The following ROBO2 variants were observed in gnomAD, a reference collection of about 807,000 sequenced individuals.
ROBO2 encodes roundabout guidance receptor 2.
In ROBO2, 53 loss-of-function variants were observed where a neutral mutation model predicts 160.8. That is an observed-to-expected ratio of 0.33 (90% CI 0.26 to 0.41). The LOEUF (loss-of-function observed/expected upper bound fraction) is 0.41, where lower values mean the gene tolerates loss of function less well. Among genes scored for constraint, ROBO2 ranks in the 10% least tolerant of loss-of-function variants. ROBO2 has a pLI of 1.00. For synonymous variants in ROBO2, 664 were observed against 611.7 expected, an observed-to-expected ratio of 1.09 and a Z score of -1.26; for missense variants, 1,577 against 1,722.4, an observed-to-expected ratio of 0.92 and a Z score of 1.49.
intron 2 of ROBO2, among the ~76,000 whole-genome samples, chr3:76,368,891 G>A (rs957619251): frequency 9.9e-5 from 15 of 151,902 alleles, no homozygotes; most frequent in African/African-American, 2.4e-4. Context: ...TCTCTTTGAC[G>A]TTAAGACCTT....
At chr3:76,361,194 A>C (rs1401981537) in intron 2 of ROBO2, among the ~76,000 whole-genome samples, 2 of 152,072 alleles carry the variant, frequency 1.3e-5, no homozygotes, top group Admixed American at 6.6e-5. Flanking sequence ...AGTGCACTTG[A>C]GTGTTTTATC....
chr3:76,506,972 C>G (rs899510176), intron 2 of ROBO2, among the ~76,000 whole-genome samples: 2 of 152,094 alleles, frequency 1.3e-5, no homozygotes, highest in Admixed American at 6.6e-5. Flanking sequence ...AGTTTATGAA[C>G]TTTCTATAAA....
intron 2 of ROBO2, among the ~76,000 whole-genome samples, chr3:76,492,749 C>T (rs75777379): frequency 0.017 from 2,536 of 152,068 alleles, 39 homozygotes; most frequent in Non-Finnish European, 0.025. Context: ...CCTCATTCAA[C>T]TAACTTGGAC....
intron 2 of ROBO2, among the ~76,000 whole-genome samples, chr3:77,030,861 A>G (rs1179930994): frequency 6.6e-6 from 1 of 152,208 alleles, no homozygotes; most frequent in Non-Finnish European, 1.5e-5. Context: ...CATTCCATTC[A>G]GAGATTCTAC....
intron 2 of ROBO2, among the ~76,000 whole-genome samples, chr3:76,277,728 A>C (rs1708009375): frequency 6.6e-6 from 1 of 151,942 alleles, no homozygotes; most frequent in African/African-American, 2.4e-5. Context: ...GAAACAAATA[A>C]TCAAATAATG....
chr3:77,118,817 C>G (rs1053229137), intron 2 of ROBO2, among the ~76,000 whole-genome samples: 6 of 152,146 alleles, frequency 3.9e-5, no homozygotes, highest in African/African-American at 1.4e-4. Flanking sequence ...CTTACACAAA[C>G]CTAGATGGCA....
At chr3:76,063,926 C>T (rs1273256330) in intron 2 of ROBO2, among the ~76,000 whole-genome samples, 1 of 152,096 alleles carries the variant, frequency 6.6e-6, no homozygotes, top group African/African-American at 2.4e-5. Context: ...TGGAGAGTTC[C>T]CTCTAGCTTT....
intron 2 of ROBO2, among the ~76,000 whole-genome samples, chr3:76,657,557 G>C (rs896146260): frequency 3.3e-5 from 5 of 149,460 alleles, no homozygotes; most frequent in African/African-American, 1.2e-4. Context: ...ACCAGCCTGG[G>C]AAACATGGTG....
At chr3:77,198,293 C>T (rs1489614320) in intron 2 of ROBO2, among the ~76,000 whole-genome samples, 1 of 151,962 alleles carries the variant, frequency 6.6e-6, no homozygotes, top group East Asian at 1.9e-4. Context: ...GTGGTCAGCA[C>T]TGAGAAGGAA....
chr3:76,190,111 A>G (rs1450184434), intron 2 of ROBO2, among the ~76,000 whole-genome samples: 2 of 152,110 alleles, frequency 1.3e-5, no homozygotes, highest in Admixed American at 1.3e-4. Flanking sequence ...CTAGCTTTCA[A>G]CTATGCTGAT....
At chr3:75,961,468 C>T (rs1476430501) in intron 2 of ROBO2, among the ~76,000 whole-genome samples, 3 of 151,538 alleles carry the variant, frequency 2.0e-5, no homozygotes, top group African/African-American at 7.3e-5. Flanking sequence ...ATACTATGCT[C>T]CACTGTAAAT....
intron 2 of ROBO2, among the ~76,000 whole-genome samples, chr3:75,967,583 A>G (rs958883254): frequency 6.6e-6 from 1 of 151,576 alleles, no homozygotes; most frequent in Non-Finnish European, 1.5e-5. Flanking sequence ...GCCCTTACAC[A>G]TTTATTTATC....
chr3:76,337,659 C>T (rs1464117631), intron 2 of ROBO2, among the ~76,000 whole-genome samples: 1 of 151,956 alleles, frequency 6.6e-6, no homozygotes, highest in Non-Finnish European at 1.5e-5. Context: ...AGAGAACTAG[C>T]AATAAAGGAA....
rs193302167 is a variant in ROBO2 at position 77,278,447 on chromosome 3, A to T, written c.388+180107A>T. 2.3e-4 allele frequency among the ~76,000 whole-genome samples: 35 copies of T among 152,278 alleles called. No homozygotes were observed. The East Asian group carries it at 6.0e-3, about 26-fold the overall frequency. On this transcript the variant is annotated intron_variant, in intron 2 of 25. Transcript: ENST00000461745. ...CTAGAAAATAAATATAACACAAAAC[A>T]CATAAACCAATTTTATGAATTAGGC...
chr3:76,782,323 T>G (rs2062699360), intron 2 of ROBO2, among the ~76,000 whole-genome samples: 5 of 150,778 alleles, frequency 3.3e-5, no homozygotes, highest in Admixed American at 3.3e-4. Context: ...CTCTGGAGAA[T>G]TCTGTGTGAA....
At chr3:76,169,402 T>A (rs1184977208) in intron 2 of ROBO2, among the ~76,000 whole-genome samples, 2 of 152,178 alleles carry the variant, frequency 1.3e-5, no homozygotes, top group Non-Finnish European at 2.9e-5. Flanking sequence ...AAGGGTAGCA[T>A]GCGTGGGGCT....
intron 2 of ROBO2, among the ~76,000 whole-genome samples, chr3:75,989,470 A>G (rs2065505525): frequency 6.6e-6 from 1 of 152,152 alleles, no homozygotes; most frequent in South Asian, 2.1e-4. Context: ...GGTTAACCCA[A>G]CAAAGTGATC....
chr3:77,413,312 T>C (rs1375609576), intron 2 of ROBO2, among the ~76,000 whole-genome samples: 1 of 151,938 alleles, frequency 6.6e-6, no homozygotes, highest in Non-Finnish European at 1.5e-5. Context: ...AAAGAGGAAG[T>C]GCAAAGGCTT....
chr3:76,057,292 T>C (rs2067881844), intron 2 of ROBO2, among the ~76,000 whole-genome samples: 1 of 152,208 alleles, frequency 6.6e-6, no homozygotes, highest in Non-Finnish European at 1.5e-5. Context: ...CTTGGGTTTA[T>C]ACAACACGTT....
Sources: gnomAD v4.1 joint callset for allele counts (sites outside exome capture counted in the v4.1 genomes callset) on GRCh38, gnomAD v4.1.1 for gene constraint, MANE v1.5 for transcripts, NCBI Gene and HGNC (gene_info 2026-07-23, HGNC 2026-07-21) for gene names.